LARS2: variants seen among roughly 807,000 people sequenced by gnomAD.
The protein encoded by LARS2 is leucyl-tRNA synthetase 2, mitochondrial.
A neutral mutation model predicts 116.6 loss-of-function variants in LARS2; 81 were observed. The observed-to-expected ratio is 0.69, with a 90% CI of 0.58 to 0.84. The LOEUF (loss-of-function observed/expected upper bound fraction) is 0.84. Among genes scored for constraint, LARS2 ranks in the 40% least tolerant of loss-of-function variants. The pLI is 0.00. For synonymous variants in LARS2, 396 were observed against 407.2 expected, an observed-to-expected ratio of 0.97 and a Z score of 0.33; for missense variants, 968 against 1,114.5, an observed-to-expected ratio of 0.87 and a Z score of 1.87.
In LARS2 at chr3:45,440,451, A is replaced by G. The variant is rs113529700; in HGVS notation, c.517-6440A>G. Among the ~76,000 whole-genome samples, 97 of 152,026 alleles carry G rather than the reference A, an allele frequency of 6.4e-4. 1 individual carries two copies. The highest frequency in any genetic ancestry group is 1.9e-3 in the African/African-American group (80 of 41,528). On this transcript the variant is annotated intron_variant, in intron 6 of 21. Coordinates refer to ENST00000645846, the MANE Select transcript of LARS2 (RefSeq NM_015340.4). ...TTGTTTTGAAGGCAGGAGGCTCACA[A>G]TGAGACTTGGGGAGGTGAAGTGATG...
intron 6 of LARS2, among the ~76,000 whole-genome samples, chr3:45,433,304 A>G (rs983599617): frequency 6.6e-6 from 1 of 152,056 alleles, no homozygotes; most frequent in Non-Finnish European, 1.5e-5. Flanking sequence ...GTTTTCTGGT[A>G]TCTCCTGTTT....
chr3:45,544,513 C>T (rs1271576602), intron 21 of LARS2, among the ~76,000 whole-genome samples: 1 of 152,164 alleles, frequency 6.6e-6, no homozygotes, highest in Non-Finnish European at 1.5e-5. Flanking sequence ...TGAGCGCCGA[C>T]CCAGGGCCAC....
Position 45,500,505 on chromosome 3 carries a change from A to G in LARS2, c.1686A>G (p.Glu562=), listed in dbSNP as rs1234712193. 1.9e-6 allele frequency: 3 copies of G among 1,600,170 alleles called. No homozygotes were observed. The highest frequency in any genetic ancestry group is 2.6e-6 in the Non-Finnish European group (3 of 1,175,134). Residue 562 remains glutamate, a synonymous_variant, in exon 15 of 22, where the codon GAA becomes GAG. Transcript: ENST00000645846. ...MPVDLYIGGK[E]HAVMHLFYAR... is the part of the protein sequence containing the mutation. ...TGGATTTGTACATTGGAGGGAAAGA[A>G]CATGCCGTCATGCACTTGTTCTATG...
In LARS2 at chr3:45,488,327, G is replaced by A. The variant is rs144639599; in HGVS notation, c.1124-370G>A. ...GCACGCCTGTTATCCCAGCTACTCA[G>A]GAGGCTGAGATATGAGAATCACTTG... On this transcript the variant is annotated intron_variant, in intron 11 of 21. Coordinates refer to ENST00000645846, the MANE Select transcript of LARS2 (RefSeq NM_015340.4). 1.9e-4 allele frequency among the ~76,000 whole-genome samples: 29 copies of A among 152,288 alleles called. 1 individual carries two copies. The East Asian group carries it at 5.2e-3, about 27-fold the overall frequency.
rs183162837 is a variant in LARS2 at position 45,403,842 on chromosome 3, C to T, written c.363+3469C>T. Among the ~76,000 whole-genome samples, 177 of 152,218 alleles carry T rather than the reference C, an allele frequency of 1.2e-3. 1 individual carries two copies. Among genetic ancestry groups the T allele is most frequent in the African/African-American group, 3.3e-3 (136 of 41,550 alleles). On this transcript the variant is annotated intron_variant, in intron 4 of 21. Coordinates refer to ENST00000645846, the MANE Select transcript of LARS2 (RefSeq NM_015340.4). ...TTGAACAACCTAGATTTGAACCTACCACTTTCTAGCCAAGCGACTCTACAG... is the reference window on the plus strand; with the variant it reads ...TTGAACAACCTAGATTTGAACCTACTACTTTCTAGCCAAGCGACTCTACAG...
At chr3:45,425,310 G>C (rs1698575967) in intron 6 of LARS2, among the ~76,000 whole-genome samples, 1 of 152,168 alleles carries the variant, frequency 6.6e-6, no homozygotes, top group South Asian at 2.1e-4. Flanking sequence ...GGGGACTAGT[G>C]TATCAATTTG....
intron 8 of LARS2, among the ~76,000 whole-genome samples, chr3:45,460,915 C>A (rs1400804557): frequency 6.6e-6 from 1 of 151,928 alleles, no homozygotes; most frequent in African/African-American, 2.4e-5. Context: ...ACTTACAGAA[C>A]AAAACTCAAC....
intron 8 of LARS2, among the ~76,000 whole-genome samples, chr3:45,466,851 G>C (rs1699433525): frequency 6.6e-6 from 1 of 152,106 alleles, no homozygotes; most frequent in Admixed American, 6.5e-5. Context: ...TGAGTAGCTG[G>C]GATTACAGGC....
chr3:45,523,141 CTG>C (rs1371473470), intron 19 of LARS2, among the ~76,000 whole-genome samples: 3 of 152,120 alleles, frequency 2.0e-5, no homozygotes, highest in African/African-American at 7.2e-5. Flanking sequence ...TGAAATGAAA[CTG>C]TAATGAATTT....
chr3:45,473,046 GT>G (rs1361251136), intron 8 of LARS2, among the ~76,000 whole-genome samples: 3 of 152,188 alleles, frequency 2.0e-5, no homozygotes, highest in African/African-American at 7.2e-5. Flanking sequence ...ATAAGGCACA[GT>G]TGTAGGCTTT....
chr3:45,500,302 T>C (rs1700097181), intron 14 of LARS2, 140 bp from the exon 15 acceptor site: 3 of 899,186 alleles, frequency 3.3e-6, no homozygotes, highest in Non-Finnish European at 4.9e-6. Context: ...GCGCCCGGCC[T>C]TCTCTTATAT....
At chr3:45,392,288 G>A (rs1697967417) in intron 2 of LARS2, among the ~76,000 whole-genome samples, 1 of 151,026 alleles carries the variant, frequency 6.6e-6, no homozygotes, top group Admixed American at 6.6e-5. Context: ...CTAATAGAGA[G>A]ATTTCTTTTT....
At chr3:45,394,789 C>A in intron 3 of LARS2, 102 bp downstream of exon 3, 1 of 738,202 alleles carries the variant, frequency 1.4e-6, no homozygotes, top group Non-Finnish European at 2.3e-6. Context: ...AATATGTGAC[C>A]TTGAACCAAA....
intron 11 of LARS2, among the ~76,000 whole-genome samples, chr3:45,487,206 A>G (rs1364548868): frequency 6.6e-6 from 1 of 152,152 alleles, no homozygotes; most frequent in African/African-American, 2.4e-5. Flanking sequence ...TCCAAATTCT[A>G]TTTTAGAATG....
At position 45,518,606 on chromosome 3, in the gene LARS2, A is replaced by G. The variant is rs571894907; in HGVS notation, c.2214+534A>G. On this transcript the variant is annotated intron_variant, in intron 18 of 21. Transcript: ENST00000645846. ...AGATTAGAATCCCAGTCCTCCACAT[A>G]GTGAGGACTTTCCCACTCAGTTACT... Among the ~76,000 whole-genome samples, 4 of 152,314 alleles carry G rather than the reference A, an allele frequency of 2.6e-5. No homozygotes were observed. The Middle Eastern group carries it at 0.014, about 518-fold the overall frequency.
At chr3:45,413,510 A>G (rs1157322095) in intron 4 of LARS2, among the ~76,000 whole-genome samples, 2 of 152,218 alleles carry the variant, frequency 1.3e-5, no homozygotes, top group African/African-American at 4.8e-5. Flanking sequence ...AGAATTAGTA[A>G]GTAATGTGCC....
chr3:45,450,439 T>C (rs1699106025), intron 7 of LARS2, among the ~76,000 whole-genome samples: 1 of 152,210 alleles, frequency 6.6e-6, no homozygotes, highest in African/African-American at 2.4e-5. Flanking sequence ...TTCTACACTC[T>C]ACATCCATGA....
chr3:45,487,343 T>TA (rs1424851350), intron 11 of LARS2, among the ~76,000 whole-genome samples: 1 of 152,256 alleles, frequency 6.6e-6, no homozygotes, highest in Non-Finnish European at 1.5e-5. Flanking sequence ...ATTTTGTCTA[T>TA]AATCTCAGCT....
At chr3:45,545,558 G>A (rs76495123) in intron 21 of LARS2, among the ~76,000 whole-genome samples, 3,147 of 152,304 alleles carry the variant, frequency 0.021, 63 homozygotes, top group Non-Finnish European at 0.03. Flanking sequence ...ACCCTGAAGG[G>A]ACTGCCTTGG....
Sources: gnomAD v4.1 joint callset for allele counts (sites outside exome capture counted in the v4.1 genomes callset) on GRCh38, gnomAD v4.1.1 for gene constraint, MANE v1.5 for transcripts, NCBI Gene and HGNC (gene_info 2026-07-23, HGNC 2026-07-21) for gene names.